AASDH: variants seen among roughly 807,000 people sequenced by gnomAD.
AASDH encodes aminoadipate-semialdehyde dehydrogenase.
A neutral mutation model predicts 102.3 loss-of-function variants in AASDH; 81 were observed. That is an observed-to-expected ratio of 0.79 (90% confidence interval 0.66 to 0.95). The LOEUF (loss-of-function observed/expected upper bound fraction) is 0.95. Ranked by LOEUF, AASDH falls within the 40% of genes least tolerant of loss-of-function variation. The probability of loss-of-function intolerance (pLI) is 0.00; values close to 1 mark genes in which losing one functional copy is unlikely to be tolerated. For synonymous variants in AASDH, 398 were observed against 454.0 expected (o/e 0.88, Z 1.57); for missense variants, 1,203 against 1,266.2 (o/e 0.95, Z 0.76).
At chr4:56,356,541 C>T (rs908433085) in intron 5 of AASDH, 10 of 859,176 alleles carry the variant, frequency 1.2e-5, no homozygotes, top group African/African-American at 8.3e-5. Context: ...ACCTGTCCTT[C>T]GAGCAGGAGT....
In AASDH at chr4:56,386,799, CAAAA is replaced by C. The variant is rs386400124; in HGVS notation, c.-43+559_-43+562del. ...TGGGCGACAGAGCGAGACTCCGTCT[CAAAA>C]AAAAAAAAAAAAAAAAAAAGGAAAA... On this transcript the variant is annotated intron_variant, in intron 1 of 14. Coordinates refer to ENST00000205214, the MANE Select transcript of AASDH (RefSeq NM_181806.4). Among the ~76,000 whole-genome samples the C allele has an allele frequency of 1.6e-4, 8 of 48,824 alleles. No individual in the cohort carries two copies. In the East Asian group the frequency reaches 3.0e-3, roughly 18 times the overall value. 32.0% of individuals were successfully genotyped at this position (48,824 alleles called of 152,430 possible).
intron 5 of AASDH, among the ~76,000 whole-genome samples, chr4:56,369,918 C>A (rs995869559): frequency 7.0e-6 from 1 of 142,670 alleles, no homozygotes. Flanking sequence ...CCAGGCTGGG[C>A]GAGAAGAGTG....
intron 9 of AASDH, among the ~76,000 whole-genome samples, chr4:56,351,868 G>A (rs1396390000): frequency 4.7e-5 from 7 of 147,934 alleles, no homozygotes; most frequent in Non-Finnish European, 1.0e-4. Context: ...AGTGAGCCCT[G>A]ACTGCACCAC....
intron 3 of AASDH, among the ~76,000 whole-genome samples, chr4:56,378,752 T>C (rs1356315480): frequency 6.6e-6 from 1 of 151,710 alleles, no homozygotes; most frequent in Admixed American, 6.6e-5. Flanking sequence ...TGCTATATTT[T>C]TAAATCTGTA....
intron 5 of AASDH, chr4:56,357,005 G>A (rs981930308): frequency 5.1e-5 from 19 of 375,610 alleles, no homozygotes; most frequent in Non-Finnish European, 7.3e-5. Context: ...ATGTGCCTAA[G>A]TAAAACAATA....
intron 10 of AASDH, 47 bp from the exon 11 acceptor site, chr4:56,350,105 CAA>C (rs1203622270): frequency 7.2e-7 from 1 of 1,394,446 alleles, no homozygotes; most frequent in African/African-American, 1.5e-5. Context: ...GGTCTAAAAG[CAA>C]AAGACTTCAA....
intron 11 of AASDH, among the ~76,000 whole-genome samples, chr4:56,346,850 G>C (rs1026537650): frequency 6.6e-6 from 1 of 151,548 alleles, no homozygotes; most frequent in Non-Finnish European, 1.5e-5. Flanking sequence ...TGAGACCAGC[G>C]TGGACAACAC....
chr4:56,378,516 C>A (rs1752613360), intron 3 of AASDH, 52 bp from the exon 4 acceptor site: 5 of 1,367,008 alleles, frequency 3.7e-6, no homozygotes, highest in Admixed American at 5.0e-5. Context: ...AAAAGATATT[C>A]TTCTTTATAT....
At chr4:56,354,567 C>A in intron 7 of AASDH, 138 bp downstream of exon 7, 1 of 611,734 alleles carries the variant, frequency 1.6e-6, no homozygotes, top group East Asian at 2.9e-5. Flanking sequence ...TTTGGTATTT[C>A]ATGACTATAT....
chr4:56,366,917 G>C (rs1485945586), intron 5 of AASDH, among the ~76,000 whole-genome samples: 44 of 151,774 alleles, frequency 2.9e-4, no homozygotes, highest in Admixed American at 7.9e-4. Flanking sequence ...ATTAGGAAAA[G>C]AGGAAGTCAA....
Position 56,351,330 on chromosome 4 carries a change from TA to T in AASDH, c.1692+11del. ...TCTTTATAATAATAATTTTATAACTTAAAAATTGTACCTTCCACAAATACTG... is the reference window on the plus strand; with the variant it reads ...TCTTTATAATAATAATTTTATAACTTAAAATTGTACCTTCCACAAATACTG... On this transcript the variant is annotated intron_variant, in intron 10 of 14. Coordinates refer to ENST00000205214, the MANE Select transcript of AASDH (RefSeq NM_181806.4). 1.4e-6 allele frequency: 2 copies of T among 1,480,124 alleles called. No homozygotes were observed. The highest frequency in any genetic ancestry group is 1.9e-6 in the Non-Finnish European group (2 of 1,067,670). The allele number at this position is 1,480,124 out of a possible 1,614,324, so 91.7% of individuals were successfully genotyped here.
At chr4:56,360,157 T>C (rs922974673) in intron 5 of AASDH, among the ~76,000 whole-genome samples, 1 of 152,200 alleles carries the variant, frequency 6.6e-6, no homozygotes, top group Admixed American at 6.5e-5. Flanking sequence ...GCCTGATCCA[T>C]CTTTTATTTT....
chr4:56,343,817 G>GTACTTTATACTACTTTATACT (rs1747998494), intron 12 of AASDH, 133 bp from the exon 13 acceptor site: 1 of 857,078 alleles, frequency 1.2e-6, no homozygotes, highest in South Asian at 2.6e-5. Flanking sequence ...GCCTACTGTG[G>GTACTTTATACTACTTTATACT]AGAATCAGAT....
At position 56,353,237 on chromosome 4, in the gene AASDH, T is replaced by A. The variant is rs1049464469; in HGVS notation, c.1576+167A>T. On this transcript the variant is annotated intron_variant, in intron 9 of 14. Transcript: ENST00000205214. ...GAATAATACCACCTATCCACAGGATTTTCTGAAGATAAAATGAATTAATTA... is the reference window on the plus strand; with the variant it reads ...GAATAATACCACCTATCCACAGGATATTCTGAAGATAAAATGAATTAATTA... Among the ~76,000 whole-genome samples the A allele has an allele frequency of 6.6e-5, 10 of 152,148 alleles. 1 individual carries two copies. The highest frequency in any genetic ancestry group is 6.6e-4 in the Admixed American group (10 of 15,264).
chr4:56,349,445 G>T lies in AASDH; in HGVS notation c.2306C>A (p.Ala769Asp). The change falls in exon 11 of 15, where the codon GCT (alanine) becomes GAT (aspartate). Residue 769 changes from alanine (A) to aspartate (D), a missense_variant. Ala to Asp is a moderately radical substitution (Grantham distance 126). Transcript: ENST00000205214. ...AGTGGGTATTACAACCAGCGGTGAAGCATCTACACATTTGCCTGTGTCTGA... is the reference window on the plus strand; with the variant it reads ...AGTGGGTATTACAACCAGCGGTGAATCATCTACACATTTGCCTGTGTCTGA... ...WRSDTGKCVD[A>D]SPLVVIPTFD... The T allele has an allele frequency of 6.2e-7, 1 of 1,613,982 alleles. No homozygotes were observed. The highest frequency in any genetic ancestry group is 8.5e-7 in the Non-Finnish European group (1 of 1,179,980).
intron 5 of AASDH, among the ~76,000 whole-genome samples, chr4:56,358,493 C>T (rs1206377261): frequency 1.3e-5 from 2 of 149,828 alleles, no homozygotes; most frequent in Non-Finnish European, 3.0e-5. Flanking sequence ...ATTGTAGGTG[C>T]CCTTCTTCAT....
In AASDH at chr4:56,349,898, G is replaced by C; in HGVS notation, c.1853C>G (p.Ser618Cys). 1 of 1,614,046 alleles carries C rather than the reference G, an allele frequency of 6.2e-7. No homozygotes were observed. The highest frequency in any genetic ancestry group is 1.3e-5 in the African/African-American group (1 of 74,998). Residue 618 changes from serine to cysteine, a missense_variant, in exon 11 of 15, where the codon TCC becomes TGC. Physicochemically the swap from Ser to Cys is moderately radical, Grantham distance 112. Transcript: ENST00000205214. ...PGLLEIILSS[S>C]ILEIYNHILQ... ...GATGTGATTATAAATCTCTAAAATG[G>C]AACTGCTGAGAATAATTTCCAGAAG...
chr4:56,372,979 T>C (rs114876348), intron 4 of AASDH, among the ~76,000 whole-genome samples: 2,479 of 152,280 alleles, frequency 0.016, 29 homozygotes, highest in Middle Eastern at 0.027. Flanking sequence ...TCCTTTTAAA[T>C]TCCTGGCCTC....
intron 5 of AASDH, among the ~76,000 whole-genome samples, chr4:56,362,182 T>G (rs1017113838): frequency 6.6e-6 from 1 of 152,098 alleles, no homozygotes; most frequent in Non-Finnish European, 1.5e-5. Flanking sequence ...GAGGCCTTTT[T>G]CCCCCCACAG....
Sources: gnomAD v4.1 joint callset for allele counts (sites outside exome capture counted in the v4.1 genomes callset) on GRCh38, gnomAD v4.1.1 for gene constraint, MANE v1.5 for transcripts, NCBI Gene and HGNC (gene_info 2026-07-23, HGNC 2026-07-21) for gene names.